The following BBS9 variants were observed in gnomAD, a reference collection of about 807,000 sequenced individuals.
The protein encoded by BBS9 is protein PTHB1.
BBS9 carries 89 observed loss-of-function variants against 117.7 expected under a neutral mutation model. The observed-to-expected ratio is 0.76, with a 90% CI of 0.64 to 0.90. The LOEUF (loss-of-function observed/expected upper bound fraction) is 0.90. Among genes scored for constraint, BBS9 ranks in the 40% least tolerant of loss-of-function variants. BBS9 has a pLI of 0.00. For missense variants in BBS9, 982 were observed against 1,042.2 expected, an observed-to-expected ratio of 0.94 and a Z score of 0.80; for synonymous variants, 379 against 370.9, an observed-to-expected ratio of 1.02 and a Z score of -0.25.
At chr7:33,269,263 A>G (rs914606505) in intron 7 of BBS9, among the ~76,000 whole-genome samples, 1 of 152,172 alleles carries the variant, frequency 6.6e-6, no homozygotes, top group African/African-American at 2.4e-5. Context: ...TCTTGGATCC[A>G]TTGTTTGTTG....
At chr7:33,192,021 G>T (rs963968249) in intron 5 of BBS9, among the ~76,000 whole-genome samples, 1 of 151,454 alleles carries the variant, frequency 6.6e-6, no homozygotes, top group African/African-American at 2.4e-5. Context: ...GTGGACAGTA[G>T]AATATAATCC....
In BBS9 at chr7:33,142,212, C is replaced by T. The variant is rs556159246; in HGVS notation, c.-11-4030C>T. 1.5e-3 allele frequency among the ~76,000 whole-genome samples: 225 copies of T among 152,242 alleles called. 2 individuals are homozygous for T. The highest frequency in any genetic ancestry group is 3.5e-3 in the East Asian group (18 of 5,178). ...CTGGGATTACAGGTGTGAGCCACCG[C>T]GCCTGGCCTAAATTCTCAAGTTATA... is the stretch of plus-strand genomic sequence containing the variant. On this transcript the variant is annotated intron_variant, in intron 1 of 22. Coordinates refer to ENST00000242067, the MANE Select transcript of BBS9 (RefSeq NM_198428.3).
chr7:33,405,781 T>G (rs374027379), intron 19 of BBS9, among the ~76,000 whole-genome samples: 2 of 152,024 alleles, frequency 1.3e-5, no homozygotes, highest in Admixed American at 6.6e-5. Flanking sequence ...TTTGTTGATC[T>G]TTTCAAAAAA....
At chr7:33,466,544 A>G (rs982365982) in intron 19 of BBS9, among the ~76,000 whole-genome samples, 3 of 152,118 alleles carry the variant, frequency 2.0e-5, no homozygotes, top group Admixed American at 2.0e-4. Flanking sequence ...GTGTGTTTAC[A>G]TACCATTTAT....
intron 1 of BBS9, among the ~76,000 whole-genome samples, chr7:33,132,289 TCTTAA>T (rs1302115911): frequency 3.9e-5 from 6 of 152,224 alleles, no homozygotes; most frequent in African/African-American, 1.4e-4. Context: ...GGCACGGATT[TCTTAA>T]CTTCTCTGTA....
At chr7:33,434,343 T>C (rs1834982745) in intron 19 of BBS9, among the ~76,000 whole-genome samples, 1 of 152,070 alleles carries the variant, frequency 6.6e-6, no homozygotes, top group Non-Finnish European at 1.5e-5. Context: ...ATTTAATGTG[T>C]ATCTGTCTTT....
chr7:33,326,150 G>A (rs1034474926), intron 9 of BBS9, among the ~76,000 whole-genome samples: 1 of 152,054 alleles, frequency 6.6e-6, no homozygotes, highest in Non-Finnish European at 1.5e-5. Context: ...AGAAACTTAG[G>A]AATCTACCTG....
Position 33,535,620 on chromosome 7 carries a change from T to G in BBS9, c.2521+1444T>G, listed in dbSNP as rs535610701. Among the ~76,000 whole-genome samples, 10 of 152,336 alleles carry G rather than the reference T, an allele frequency of 6.6e-5. No individual in the cohort carries two copies. In the South Asian group the frequency reaches 1.9e-3, roughly 28 times the overall value. ...GTAACACCCTCTTAACTGTTCCACT[T>G]GTTCATCTTCTGTCCACTGTTACAG... On this transcript the variant is annotated intron_variant, in intron 21 of 22. Coordinates refer to ENST00000242067, the MANE Select transcript of BBS9 (RefSeq NM_198428.3).
intron 9 of BBS9, among the ~76,000 whole-genome samples, chr7:33,335,106 T>G (rs928414419): frequency 2.0e-5 from 3 of 152,248 alleles, no homozygotes; most frequent in Non-Finnish European, 4.4e-5. Flanking sequence ...TGGGGAGTTT[T>G]AAACATTTTT....
At chr7:33,583,010 C>A (rs1563400567) in intron 21 of BBS9, among the ~76,000 whole-genome samples, 2 of 152,104 alleles carry the variant, frequency 1.3e-5, no homozygotes, top group South Asian at 2.1e-4. Flanking sequence ...CTTGAATATA[C>A]CCTCTTGTTT....
chr7:33,559,727 C>A (rs1159210598), intron 21 of BBS9, among the ~76,000 whole-genome samples: 4 of 152,108 alleles, frequency 2.6e-5, no homozygotes, highest in African/African-American at 9.7e-5. Flanking sequence ...TCCTTCATTG[C>A]CTTCACAATA....
At chr7:33,544,741 G>A (rs1853004477) in intron 21 of BBS9, among the ~76,000 whole-genome samples, 1 of 152,158 alleles carries the variant, frequency 6.6e-6, no homozygotes, top group East Asian at 1.9e-4. Context: ...GCAGTGGGTG[G>A]GGCCCTAGAA....
intron 6 of BBS9, among the ~76,000 whole-genome samples, chr7:33,259,985 A>G (rs1226465349): frequency 6.8e-6 from 1 of 147,566 alleles, no homozygotes; most frequent in African/African-American, 2.5e-5. Flanking sequence ...ATTTCTGACT[A>G]AAAGACCTAG....
chr7:33,294,330 T>TATC (rs1166683405), intron 9 of BBS9, among the ~76,000 whole-genome samples: 2 of 145,242 alleles, frequency 1.4e-5, no homozygotes, highest in African/African-American at 5.4e-5. Flanking sequence ...TCTATCTATC[T>TATC]ATCTATCTAT....
chr7:33,400,835 C>A (rs906140387), intron 19 of BBS9, among the ~76,000 whole-genome samples: 1 of 152,090 alleles, frequency 6.6e-6, no homozygotes, highest in Admixed American at 6.6e-5. Context: ...TTATGAGGCC[C>A]AGCTGTATAG....
At chr7:33,460,395 T>G (rs1839290280) in intron 19 of BBS9, among the ~76,000 whole-genome samples, 1 of 152,244 alleles carries the variant, frequency 6.6e-6, no homozygotes, top group African/African-American at 2.4e-5. Context: ...GGGTTTTCTC[T>G]TTAAGTAGCA....
At chr7:33,213,517 C>T (rs1243685848) in intron 5 of BBS9, among the ~76,000 whole-genome samples, 1 of 152,164 alleles carries the variant, frequency 6.6e-6, no homozygotes, top group African/African-American at 2.4e-5. Context: ...GGCAAAGTCT[C>T]TTTTACTTTT....
At chr7:33,487,401 T>C (rs17170269) in intron 19 of BBS9, among the ~76,000 whole-genome samples, 26,914 of 152,192 alleles carry the variant, frequency 0.18, 2,831 homozygotes, top group East Asian at 0.48. Context: ...TAGCTAACTT[T>C]ATATAGTATC....
At chr7:33,390,240 C>A (rs957509416) in intron 19 of BBS9, 17 of 985,030 alleles carry the variant, frequency 1.7e-5, no homozygotes, top group Middle Eastern at 5.2e-4. Flanking sequence ...TTTGTAGACA[C>A]AATGGTGGAA....
Sources: allele counts gnomAD v4.1 joint callset (sites outside exome capture counted in the v4.1 genomes callset), GRCh38; gene constraint gnomAD v4.1.1; transcripts MANE v1.5; gene names NCBI Gene and HGNC (gene_info 2026-07-23, HGNC 2026-07-21).